RPSA2: variants seen among roughly 807,000 people sequenced by gnomAD.
RPSA2 encodes small ribosomal subunit protein uS2B.
At chr19:23,837,761 G>A in the RPSA2 span, among the ~76,000 whole-genome samples, 1 of 152,152 alleles carries the variant, frequency 6.6e-6, no homozygotes, top group African/African-American at 2.4e-5. Context: ...TTTGGTTGCT[G>A]TTGGTGAATA....
At chr19:23,766,288 G>A in the RPSA2 span, among the ~76,000 whole-genome samples, 2 of 151,272 alleles carry the variant, frequency 1.3e-5, no homozygotes, top group African/African-American at 4.9e-5. Context: ...GAGTAGCTGG[G>A]ATTATAGGCA....
At chr19:23,791,101 G>T in the RPSA2 span, among the ~76,000 whole-genome samples, 18 of 152,290 alleles carry the variant, frequency 1.2e-4, no homozygotes, top group Admixed American at 2.6e-4. Flanking sequence ...CTGACTCAGG[G>T]TTATTAAAAA....
chr19:23,826,870 T>C, the RPSA2 span, among the ~76,000 whole-genome samples: 3 of 58,082 alleles, frequency 5.2e-5, no homozygotes, highest in Non-Finnish European at 1.0e-4. Flanking sequence ...ATTTTTTTTT[T>C]CAGTAAGGAC....
At chr19:23,822,885 C>G in the RPSA2 span, among the ~76,000 whole-genome samples, 1 of 152,190 alleles carries the variant, frequency 6.6e-6, no homozygotes, top group African/African-American at 2.4e-5. Context: ...CCCTTTGTCT[C>G]TGTAGCTTCC....
the RPSA2 span, among the ~76,000 whole-genome samples, chr19:23,763,298 G>A: frequency 2.2e-4 from 34 of 152,298 alleles, no homozygotes; most frequent in Non-Finnish European, 4.4e-5. Flanking sequence ...CCCACAGCCG[G>A]GACCCCAGCG....
At chr19:23,796,731 G>T in the RPSA2 span, among the ~76,000 whole-genome samples, 2 of 151,944 alleles carry the variant, frequency 1.3e-5, no homozygotes, top group Non-Finnish European at 2.9e-5. Context: ...TCTTGTTTGT[G>T]TGCACAGAGG....
the RPSA2 span, among the ~76,000 whole-genome samples, chr19:23,789,006 C>CT: frequency 1.0e-5 from 1 of 95,394 alleles, no homozygotes; most frequent in African/African-American, 3.9e-5. Context: ...CTCATCTTTT[C>CT]TTTTTTTTCT....
At chr19:23,786,724 C>T in the RPSA2 span, among the ~76,000 whole-genome samples, 3 of 152,048 alleles carry the variant, frequency 2.0e-5, no homozygotes, top group Admixed American at 2.0e-4. Context: ...GAAATTGTGA[C>T]AGATTACTGG....
the RPSA2 span, chr19:23,758,789 C>T: frequency 1.2e-6 from 2 of 1,614,044 alleles, no homozygotes; most frequent in Non-Finnish European, 8.5e-7. Context: ...AGCTATGGAT[C>T]GCCAATACCT....
At chr19:23,839,519 C>A in the RPSA2 span, among the ~76,000 whole-genome samples, 1 of 152,160 alleles carries the variant, frequency 6.6e-6, no homozygotes, top group Non-Finnish European at 1.5e-5. Flanking sequence ...AAAATTACCC[C>A]AGGCTTTCTG....
chr19:23,867,786 C>T, the RPSA2 span, among the ~76,000 whole-genome samples: 42 of 148,442 alleles, frequency 2.8e-4, no homozygotes, highest in East Asian at 1.0e-3. Flanking sequence ...GCAGAGATTG[C>T]GCCACTGCAC....
At chr19:23,782,577 T>G in the RPSA2 span, 3 of 152,200 alleles carry the variant, frequency 2.0e-5, 1 homozygote, top group Non-Finnish European at 4.4e-5. Flanking sequence ...GAGTGACTTA[T>G]TGCTGGGGCA....
the RPSA2 span, among the ~76,000 whole-genome samples, chr19:23,769,958 T>A: frequency 1.3e-5 from 2 of 152,104 alleles, no homozygotes; most frequent in Non-Finnish European, 2.9e-5. Context: ...GCCTGGGAAC[T>A]GCAAAAAAAG....
At chr19:23,768,247 A>G in the RPSA2 span, among the ~76,000 whole-genome samples, 3 of 152,124 alleles carry the variant, frequency 2.0e-5, no homozygotes, top group Non-Finnish European at 1.5e-5. Flanking sequence ...TGCTTTGAGA[A>G]TGCTACCAGA....
chr19:23,830,229 C>G, the RPSA2 span, among the ~76,000 whole-genome samples: 1 of 152,182 alleles, frequency 6.6e-6, no homozygotes, highest in South Asian at 2.1e-4. Flanking sequence ...ACTGCAACCT[C>G]CACTTCCCAG....
At chr19:23,794,805 C>T in the RPSA2 span, among the ~76,000 whole-genome samples, 148,969 of 152,294 alleles carry the variant, frequency 0.98, 72,950 homozygotes, top group Middle Eastern at 1. Context: ...CTTCCAGGGT[C>T]TTTTATAATT....
the RPSA2 span, among the ~76,000 whole-genome samples, chr19:23,770,204 A>C: frequency 9.9e-5 from 15 of 152,242 alleles, 1 homozygote; most frequent in African/African-American, 3.1e-4. Flanking sequence ...CATATTGTTG[A>C]GCCCAGTACA....
At chr19:23,841,226 A>C in the RPSA2 span, among the ~76,000 whole-genome samples, 2 of 152,048 alleles carry the variant, frequency 1.3e-5, no homozygotes, top group Admixed American at 6.6e-5. Context: ...ATTATTTGGG[A>C]GGCCGAGGCA....
chr19:23,826,700 T>TA, the RPSA2 span, among the ~76,000 whole-genome samples: 6 of 152,130 alleles, frequency 3.9e-5, no homozygotes, highest in Non-Finnish European at 7.4e-5. Flanking sequence ...TATATATATA[T>TA]TTTTTGAGAC....
Sources: gnomAD v4.1 joint callset for allele counts (sites outside exome capture counted in the v4.1 genomes callset) on GRCh38, gnomAD v4.1.1 for gene constraint, MANE v1.5 for transcripts, NCBI Gene and HGNC (gene_info 2026-07-23, HGNC 2026-07-21) for gene names.